The following CUBN variants were observed in gnomAD, a reference collection of about 807,000 sequenced individuals.
CUBN encodes the protein 460 kDa receptor.
Under a neutral mutation model 405.3 loss-of-function variants are expected in CUBN, and 282 were observed. The observed-to-expected ratio is 0.70, with a 90% confidence interval of 0.63 to 0.77. The LOEUF is 0.77. Among genes scored for constraint, CUBN ranks in the 30% least tolerant of loss-of-function variants. The pLI is 0.00. For missense variants in CUBN, 4,514 were observed against 4,475.2 expected (o/e 1.01, Z -0.25); for synonymous variants, 1,684 against 1,617.0 (o/e 1.04, Z -0.99).
intron 43 of CUBN, among the ~76,000 whole-genome samples, chr10:16,924,091 T>C (rs533651211): frequency 6.8e-6 from 1 of 148,138 alleles, no homozygotes; most frequent in Non-Finnish European, 1.5e-5. Flanking sequence ...AAAGACTGAG[T>C]CTATTATAAA....
intron 28 of CUBN, among the ~76,000 whole-genome samples, chr10:17,015,097 G>T (rs559285417): frequency 2.0e-5 from 3 of 152,342 alleles, no homozygotes; most frequent in African/African-American, 7.2e-5. Context: ...TTGGGGTGTT[G>T]CAGGGACTGC....
rs1433340031 is a variant in CUBN, at chr10:16,947,384, A to G, written c.5210-17T>C. 8.1e-6 allele frequency: 13 copies of G among 1,613,976 alleles called. No homozygotes were observed. The highest frequency in any genetic ancestry group is 1.1e-5 in the Non-Finnish European group (13 of 1,179,930). ...CACCACAAGCTGGAAGAAAATAGAAATAAAGTGAGTATCAGAGCAAAGACT... is the reference window on the plus strand; with the variant it reads ...CACCACAAGCTGGAAGAAAATAGAAGTAAAGTGAGTATCAGAGCAAAGACT... On this transcript the variant is annotated splice_polypyrimidine_tract_variant and intron_variant, in intron 35 of 66. Coordinates refer to ENST00000377833, the MANE Select transcript of CUBN (RefSeq NM_001081.4).
Position 17,100,151 on chromosome 10 carries a change from G to T in CUBN, c.1619C>A (p.Ser540Tyr). 1 of 1,613,978 alleles carries T rather than the reference G, an allele frequency of 6.2e-7. No individual in the cohort carries two copies. The highest frequency in any genetic ancestry group is 8.5e-7 in the Non-Finnish European group (1 of 1,179,874). The change falls in exon 14 of 67, where the codon TCT becomes TAT. Residue 540 changes from serine (S) to tyrosine (Y), a missense_variant. Physicochemically the swap from Ser to Tyr is moderately radical, Grantham distance 144 (BLOSUM62 -2). Around this residue, in one of 5 missense-constraint regions of CUBN, gnomAD observed 1,448 missense variants for 1,388.0 expected, o/e 1.04. Transcript: ENST00000377833. Reference sequence around the variant, plus strand: ...AAATCTTCCAAGTTGAAAAGCAGAAGAGGAATCTCCATCATAAACCTGAAG... The same window carrying T: ...AAATCTTCCAAGTTGAAAAGCAGAATAGGAATCTCCATCATAAACCTGAAG... ...EFLQVYDGDS[S>Y]SAFQLGRFCG...
intron 31 of CUBN, among the ~76,000 whole-genome samples, chr10:16,964,240 A>T (rs59357328): frequency 2.0e-5 from 3 of 152,132 alleles, no homozygotes; most frequent in Non-Finnish European, 4.4e-5. Context: ...TAAGATTCAC[A>T]TATAAAGATA....
At chr10:16,939,897 G>A in intron 37 of CUBN, 135 bp downstream of exon 37, 7 of 844,604 alleles carry the variant, frequency 8.3e-6, no homozygotes, top group Non-Finnish European at 1.4e-5. Flanking sequence ...ATGTTATAAG[G>A]TAATTCACAA....
intron 60 of CUBN, among the ~76,000 whole-genome samples, chr10:16,846,123 T>G (rs1013920977): frequency 6.6e-6 from 1 of 152,232 alleles, no homozygotes; most frequent in African/African-American, 2.4e-5. Flanking sequence ...ATGCACCAAA[T>G]TTCCAGAAAT....
intron 56 of CUBN, among the ~76,000 whole-genome samples, chr10:16,880,729 T>G (rs1400325426): frequency 6.6e-6 from 1 of 152,228 alleles, no homozygotes; most frequent in Non-Finnish European, 1.5e-5. Flanking sequence ...AAGAATACAT[T>G]CAGCTCCTTC....
intron 14 of CUBN, among the ~76,000 whole-genome samples, chr10:17,088,991 C>A (rs1231401938): frequency 6.6e-6 from 1 of 152,182 alleles, no homozygotes. Context: ...AGAACCTGCT[C>A]TTCATTAATA....
intron 13 of CUBN, among the ~76,000 whole-genome samples, chr10:17,101,956 T>C (rs1174747598): frequency 6.6e-6 from 1 of 152,218 alleles, no homozygotes; most frequent in African/African-American, 2.4e-5. Flanking sequence ...GCAAAGACAT[T>C]TGATAAGAAA....
chr10:17,017,146 C>T (rs12246126), intron 28 of CUBN, among the ~76,000 whole-genome samples: 2,601 of 152,218 alleles, frequency 0.017, 51 homozygotes, highest in African/African-American at 0.045. Context: ...CAAAACTGCC[C>T]GTGCTTTTGG....
intron 10 of CUBN, among the ~76,000 whole-genome samples, chr10:17,106,481 C>T (rs116754411): frequency 0.018 from 2,708 of 151,128 alleles, 86 homozygotes; most frequent in African/African-American, 0.061. Flanking sequence ...GCCTGTAGTC[C>T]AGGCTAATCA....
intron 54 of CUBN, among the ~76,000 whole-genome samples, chr10:16,891,968 C>T (rs574925714): frequency 1.9e-4 from 29 of 152,316 alleles, no homozygotes; most frequent in African/African-American, 6.7e-4. Flanking sequence ...ATTAATCTTA[C>T]TTGACTATTC....
intron 21 of CUBN, 74 bp from the exon 22 acceptor site, chr10:17,065,712 G>T: frequency 1.3e-6 from 2 of 1,559,484 alleles, no homozygotes; most frequent in Non-Finnish European, 1.8e-6. Flanking sequence ...CAAAAATTTG[G>T]ACATGTAAAT....
chr10:16,830,548 G>T (rs1373583364), intron 65 of CUBN, among the ~76,000 whole-genome samples: 1 of 152,098 alleles, frequency 6.6e-6, no homozygotes, highest in Non-Finnish European at 1.5e-5. Context: ...CTCCAGAACC[G>T]CCAAGAAATG....
Position 16,944,470 on chromosome 10 carries a change from T to G in CUBN, c.5342+2765A>C, listed in dbSNP as rs544038073. Among the ~76,000 whole-genome samples the G allele has an allele frequency of 3.3e-5, 5 of 152,320 alleles. No homozygotes were observed. In the South Asian group the frequency reaches 1.0e-3, roughly 32 times the overall value. On this transcript the variant is annotated intron_variant, in intron 36 of 66. Transcript: ENST00000377833. Reference sequence around the variant, plus strand: ...CAGTTTCACCACAATCCCAGCCCCATGTTTTAGAACTTGATGTGATACACA... The same window carrying G: ...CAGTTTCACCACAATCCCAGCCCCAGGTTTTAGAACTTGATGTGATACACA...
rs1007248288 is a variant in CUBN at position 16,904,052 on chromosome 10, A to G, written c.7976T>C (p.Val2659Ala). The G allele has an allele frequency of 1.2e-5, 20 of 1,612,832 alleles. No individual in the cohort carries two copies. The Admixed American group carries it at 2.3e-4, about 19-fold the overall frequency. ...CGPSKPTLPL[V>A]IPYSQVWIHF... ...AATCCATACCTGAGAATAAGGTATA[A>G]CCAATGGCAATGTAGGCTTTGAAGG... is the stretch of plus-strand genomic sequence containing the variant. The change falls in exon 51 of 67, where the codon GTT becomes GCT. Residue 2659 changes from valine (V) to alanine (A), a missense_variant. Coordinates refer to ENST00000377833, the MANE Select transcript of CUBN (RefSeq NM_001081.4).
At chr10:16,856,137 A>G (rs1839863331) in intron 59 of CUBN, among the ~76,000 whole-genome samples, 1 of 152,136 alleles carries the variant, frequency 6.6e-6, no homozygotes, top group African/African-American at 2.4e-5. Flanking sequence ...TACCATACTG[A>G]TATTTTGAAA....
At chr10:16,992,399 AT>A (rs1270811322) in intron 28 of CUBN, among the ~76,000 whole-genome samples, 2 of 152,172 alleles carry the variant, frequency 1.3e-5, no homozygotes, top group Non-Finnish European at 2.9e-5. Context: ...ATAATAAAAA[AT>A]AAAATAAAAG....
chr10:16,998,453 C>T (rs555267390), intron 28 of CUBN, among the ~76,000 whole-genome samples: 1 of 152,160 alleles, frequency 6.6e-6, no homozygotes. Flanking sequence ...GAAGGGTCTT[C>T]CCTAGAGCCG....
Sources: allele counts gnomAD v4.1 joint callset (sites outside exome capture counted in the v4.1 genomes callset), GRCh38; gene constraint gnomAD v4.1.1; regional missense constraint gnomAD v4.1.1; transcripts MANE v1.5; gene names NCBI Gene and HGNC (gene_info 2026-07-23, HGNC 2026-07-21).